The following BTRC variants were observed in gnomAD, a reference collection of about 807,000 sequenced individuals.
BTRC encodes F-box/WD repeat-containing protein 1A.
Under a neutral mutation model 85.5 loss-of-function variants are expected in BTRC, and 42 were observed. The observed-to-expected ratio is 0.49, with a 90% CI of 0.38 to 0.64. The LOEUF (loss-of-function observed/expected upper bound fraction) is 0.64, where lower values mean the gene tolerates loss of function less well. Among genes scored for constraint, BTRC ranks in the 30% least tolerant of loss-of-function variants. The pLI is 0.00. For missense variants in BTRC, 594 were observed against 743.5 expected (o/e 0.80, Z 2.34); for synonymous variants, 255 against 263.3 (o/e 0.97, Z 0.30).
chr10:101,392,539 C>T (rs1943261880), intron 1 of BTRC, among the ~76,000 whole-genome samples: 3 of 151,960 alleles, frequency 2.0e-5, no homozygotes, highest in Admixed American at 2.0e-4. Flanking sequence ...TCTTGTTGCC[C>T]AGGCTAGAGT....
chr10:101,538,506 A>G (rs2062420343), intron 13 of BTRC, 135 bp downstream of exon 13: 1 of 698,842 alleles, frequency 1.4e-6, no homozygotes, highest in Non-Finnish European at 2.5e-6. Flanking sequence ...TAAGGCAACC[A>G]GTACATGACA....
chr10:101,414,480 G>A (rs1390840109), intron 1 of BTRC, among the ~76,000 whole-genome samples: 3 of 152,112 alleles, frequency 2.0e-5, no homozygotes, highest in African/African-American at 7.2e-5. Context: ...CTATGTTACT[G>A]GTTTATGTAC....
At chr10:101,501,024 G>A (rs1179500714) in intron 4 of BTRC, among the ~76,000 whole-genome samples, 3 of 151,922 alleles carry the variant, frequency 2.0e-5, no homozygotes, top group African/African-American at 4.8e-5. Flanking sequence ...GCAAAACCCC[G>A]CCTCCACTAA....
At chr10:101,482,481 C>T (rs1331662466) in intron 4 of BTRC, among the ~76,000 whole-genome samples, 2 of 150,038 alleles carry the variant, frequency 1.3e-5, no homozygotes, top group East Asian at 2.0e-4. Flanking sequence ...CTGCAAGCTC[C>T]GCCTCCCGGT....
intron 2 of BTRC, among the ~76,000 whole-genome samples, chr10:101,453,853 G>A (rs1242520897): frequency 6.6e-6 from 1 of 152,176 alleles, no homozygotes; most frequent in African/African-American, 2.4e-5. Context: ...TCTGTAAAGG[G>A]GCAGATAATA....
At chr10:101,490,989 G>A (rs894276274) in intron 4 of BTRC, among the ~76,000 whole-genome samples, 1 of 151,712 alleles carries the variant, frequency 6.6e-6, no homozygotes, top group Non-Finnish European at 1.5e-5. Flanking sequence ...AACCTGGGAG[G>A]CAGAGGTTGC....
chr10:101,460,166 G>A (rs941560990), intron 2 of BTRC, among the ~76,000 whole-genome samples: 1 of 151,778 alleles, frequency 6.6e-6, no homozygotes, highest in Non-Finnish European at 1.5e-5. Flanking sequence ...ATTGGATACT[G>A]GCTTAAGCTT....
chr10:101,381,307 TCAAA>T (rs1186049374), intron 1 of BTRC, among the ~76,000 whole-genome samples: 14 of 152,172 alleles, frequency 9.2e-5, no homozygotes, highest in Admixed American at 2.6e-4. Flanking sequence ...TTTTTCCAGA[TCAAA>T]CAGTTTGTGA....
chr10:101,461,267 A>C (rs980025320), intron 2 of BTRC, among the ~76,000 whole-genome samples: 1 of 152,214 alleles, frequency 6.6e-6, no homozygotes. Context: ...AATGGAACTC[A>C]AATAATATGT....
intron 1 of BTRC, among the ~76,000 whole-genome samples, chr10:101,385,890 T>G (rs1334314522): frequency 6.6e-6 from 1 of 152,068 alleles, no homozygotes; most frequent in African/African-American, 2.4e-5. Flanking sequence ...ATAATTATTA[T>G]TTTAATATAA....
At chr10:101,502,448 G>A (rs964592736) in intron 4 of BTRC, among the ~76,000 whole-genome samples, 1 of 151,850 alleles carries the variant, frequency 6.6e-6, no homozygotes, top group Non-Finnish European at 1.5e-5. Flanking sequence ...AGATCTTTGA[G>A]GGCTTCCTTT....
chr10:101,535,623 G>A (rs1299970633), intron 11 of BTRC, 151 bp downstream of exon 11: 2 of 495,018 alleles, frequency 4.0e-6, no homozygotes, highest in African/African-American at 4.0e-5. Flanking sequence ...GTTTGCCCCA[G>A]GCAGAGAAGC....
At chr10:101,385,632 T>TTTTTTTTTTTTTTTTTTTTTTG (rs1288309804) in intron 1 of BTRC, among the ~76,000 whole-genome samples, 1 of 143,874 alleles carries the variant, frequency 7.0e-6, no homozygotes, top group Non-Finnish European at 1.5e-5. Context: ...TTTTTTTTTT[T>TTTTTTTTTTTTTTTTTTTTTTG]TGTGTGTTCT....
intron 3 of BTRC, among the ~76,000 whole-genome samples, chr10:101,474,730 G>A (rs1405155417): frequency 1.3e-5 from 2 of 152,144 alleles, no homozygotes; most frequent in Non-Finnish European, 2.9e-5. Context: ...TAGTCACCCT[G>A]CACCAAGTGG....
intron 1 of BTRC, among the ~76,000 whole-genome samples, chr10:101,368,242 G>A (rs536738471): frequency 4.6e-5 from 7 of 152,258 alleles, no homozygotes; most frequent in East Asian, 3.9e-4. Flanking sequence ...CTCTCTTGGC[G>A]TGTGATTTCT....
At chr10:101,548,523 C>T (rs2062594557) in intron 13 of BTRC, among the ~76,000 whole-genome samples, 1 of 151,770 alleles carries the variant, frequency 6.6e-6, no homozygotes, top group East Asian at 1.9e-4. Context: ...AGGCTGAGGC[C>T]GGCAGATTGC....
Position 101,443,007 on chromosome 10 carries a change from G to C in BTRC, c.156+12555G>C, listed in dbSNP as rs578140730. ...CACCATTCCCCTGCCTCAGCCTCTC[G>C]AGTAGCTGGGACTACAGGCACCCGC... On this transcript the variant is annotated intron_variant, in intron 2 of 14. Coordinates refer to ENST00000370187, the MANE Select transcript of BTRC (RefSeq NM_033637.4). 6.0e-5 allele frequency among the ~76,000 whole-genome samples: 9 copies of C among 149,522 alleles called. No homozygotes were observed. The South Asian group carries it at 1.9e-3, about 32-fold the overall frequency.
intron 1 of BTRC, among the ~76,000 whole-genome samples, chr10:101,400,403 G>A (rs1943464740): frequency 7.1e-6 from 1 of 141,094 alleles, no homozygotes; most frequent in Non-Finnish European, 1.6e-5. Context: ...TGCAGTCATT[G>A]AAATACTGCT....
Position 101,473,207 on chromosome 10 carries a change from C to CT in BTRC, c.235-6150dup, listed in dbSNP as rs34197747. On this transcript the variant is annotated intron_variant, in intron 3 of 14. Transcript: ENST00000370187. ...GTTTATATGATTTCAGTTTATCTAT[C>CT]TTTTTTTTTTTCGGTTTATCTGTCT... 4.0e-3 allele frequency among the ~76,000 whole-genome samples: 573 copies of CT among 143,240 alleles called. 6 individuals are homozygous for CT. Among genetic ancestry groups the CT allele is most frequent in the African/African-American group, 0.012 (469 of 38,830 alleles). The allele number at this position is 143,240 out of a possible 152,430, so 94.0% of individuals were successfully genotyped here.
Sources: gnomAD v4.1 joint callset for allele counts (sites outside exome capture counted in the v4.1 genomes callset) on GRCh38, gnomAD v4.1.1 for gene constraint, MANE v1.5 for transcripts, NCBI Gene and HGNC (gene_info 2026-07-23, HGNC 2026-07-21) for gene names.